The following PHACTR1 variants were observed in gnomAD, a reference collection of about 807,000 sequenced individuals.
PHACTR1 encodes the protein RPEL repeat containing 1.
Under a neutral mutation model 69.2 loss-of-function variants are expected in PHACTR1, and 16 were observed. The observed-to-expected ratio is 0.23, with a 90% CI of 0.16 to 0.35. The LOEUF (loss-of-function observed/expected upper bound fraction) is 0.35. Among genes scored for constraint, PHACTR1 ranks in the 10% least tolerant of loss-of-function variants. The probability of loss-of-function intolerance (pLI) is 1.00; values close to 1 mark genes in which losing one functional copy is unlikely to be tolerated. For synonymous variants in PHACTR1, 312 were observed against 284.5 expected, an observed-to-expected ratio of 1.10 and a Z score of -0.97; for missense variants, 510 against 734.7, an observed-to-expected ratio of 0.69 and a Z score of 3.54.
chr6:13,200,951 A>G (rs1338497826), intron 7 of PHACTR1, among the ~76,000 whole-genome samples: 4 of 151,872 alleles, frequency 2.6e-5, no homozygotes, highest in Non-Finnish European at 4.4e-5. Flanking sequence ...CTCAAAAAAA[A>G]AAAAAAAGAA....
intron 5 of PHACTR1, among the ~76,000 whole-genome samples, chr6:13,106,290 C>T (rs548557875): frequency 6.6e-6 from 1 of 151,840 alleles, no homozygotes; most frequent in South Asian, 2.1e-4. Context: ...TTATTTTTAT[C>T]TTGCTTGATT....
At chr6:12,985,541 A>AATATAT (rs70989819) in intron 4 of PHACTR1, among the ~76,000 whole-genome samples, 29 of 132,764 alleles carry the variant, frequency 2.2e-4, no homozygotes, top group African/African-American at 7.5e-4. Flanking sequence ...AAAAAAAAAA[A>AATATAT]ATATATATAT....
At chr6:12,772,896 G>A (rs532291801) in intron 4 of PHACTR1, among the ~76,000 whole-genome samples, 1 of 152,302 alleles carries the variant, frequency 6.6e-6, no homozygotes, top group East Asian at 1.9e-4. Context: ...ACAAGTGTTA[G>A]AAGTGATTAC....
intron 4 of PHACTR1, among the ~76,000 whole-genome samples, chr6:13,031,466 C>T (rs1431617187): frequency 2.6e-5 from 4 of 152,142 alleles, no homozygotes; most frequent in Admixed American, 2.0e-4. Context: ...GTAAGTCTAC[C>T]ACTAGTTTAA....
chr6:13,034,227 C>T (rs1802934575), intron 4 of PHACTR1, among the ~76,000 whole-genome samples: 1 of 151,926 alleles, frequency 6.6e-6, no homozygotes, highest in East Asian at 1.9e-4. Context: ...CCGTGTTAGC[C>T]AGGATGATCT....
chr6:13,025,697 G>GTGTGTC (rs1801592966), intron 4 of PHACTR1, among the ~76,000 whole-genome samples: 1 of 151,876 alleles, frequency 6.6e-6, no homozygotes, highest in Non-Finnish European at 1.5e-5. Context: ...GTGTGTGTGT[G>GTGTGTC]TGTGTGTGTG....
In PHACTR1 at chr6:12,844,540, C is replaced by CAGG. The variant is rs560042098; in HGVS notation, c.250+94752_250+94754dup. ...TGTACTGGGCAAAGTTCTATGCGTACAGGACACTGAGGTAAAGCACACAAA... is the reference window on the plus strand; with the variant it reads ...TGTACTGGGCAAAGTTCTATGCGTACAGGAGGACACTGAGGTAAAGCACACAAA... On this transcript the variant is annotated intron_variant, in intron 4 of 14. Transcript: ENST00000332995. Among the ~76,000 whole-genome samples the CAGG allele has an allele frequency of 6.4e-3, 981 of 152,252 alleles. 5 individuals carry two copies. Among genetic ancestry groups the CAGG allele is most frequent in the Non-Finnish European group, 0.011 (734 of 68,018 alleles).
intron 6 of PHACTR1, among the ~76,000 whole-genome samples, chr6:13,163,946 C>T (rs1360777001): frequency 6.6e-6 from 1 of 152,002 alleles, no homozygotes; most frequent in Non-Finnish European, 1.5e-5. Flanking sequence ...TCATCATTGT[C>T]CTTTATATTT....
intron 12 of PHACTR1, among the ~76,000 whole-genome samples, chr6:13,278,828 T>C (rs932564113): frequency 6.6e-6 from 1 of 151,974 alleles, no homozygotes; most frequent in African/African-American, 2.4e-5. Flanking sequence ...CTGTGCATGG[T>C]GATGTGCACC....
chr6:12,740,000 G>A (rs1027055371), intron 3 of PHACTR1, among the ~76,000 whole-genome samples: 1 of 152,090 alleles, frequency 6.6e-6, no homozygotes, highest in Non-Finnish European at 1.5e-5. Context: ...CTTGTGCTCC[G>A]TCCAAGACAT....
intron 4 of PHACTR1, among the ~76,000 whole-genome samples, chr6:12,768,809 TACACACAC>T (rs4053038): frequency 0.017 from 2,079 of 123,294 alleles, 23 homozygotes; most frequent in South Asian, 0.029. Flanking sequence ...ATGTGCTATC[TACACACAC>T]ACACACACAC....
intron 7 of PHACTR1, among the ~76,000 whole-genome samples, chr6:13,190,946 C>A (rs1320086053): frequency 6.6e-6 from 1 of 152,164 alleles, no homozygotes; most frequent in Non-Finnish European, 1.5e-5. Flanking sequence ...CAAGAATCCT[C>A]TCTCCATGCT....
intron 11 of PHACTR1, among the ~76,000 whole-genome samples, chr6:13,276,952 TG>T (rs1456808882): frequency 6.6e-6 from 1 of 152,220 alleles, no homozygotes; most frequent in Non-Finnish European, 1.5e-5. Flanking sequence ...CAGGCAGTCG[TG>T]ATGCACCCTA....
intron 4 of PHACTR1, among the ~76,000 whole-genome samples, chr6:12,983,275 A>G (rs1795738345): frequency 6.6e-6 from 1 of 152,246 alleles, no homozygotes; most frequent in Admixed American, 6.5e-5. Context: ...TACAGGGAAG[A>G]GTGAAGTAAA....
chr6:12,804,866 A>G (rs1361702668), intron 4 of PHACTR1, among the ~76,000 whole-genome samples: 1 of 152,220 alleles, frequency 6.6e-6, no homozygotes, highest in Non-Finnish European at 1.5e-5. Context: ...GCATACTAGT[A>G]ACTTACGTAT....
At chr6:12,881,839 A>T (rs1582262599) in intron 4 of PHACTR1, among the ~76,000 whole-genome samples, 1 of 152,198 alleles carries the variant, frequency 6.6e-6, no homozygotes, top group East Asian at 1.9e-4. Flanking sequence ...GCCAGCAGAG[A>T]GTGAGAAAGA....
chr6:13,240,835 C>T (rs1025013029), intron 10 of PHACTR1, among the ~76,000 whole-genome samples: 3 of 152,200 alleles, frequency 2.0e-5, no homozygotes, highest in Admixed American at 2.0e-4. Context: ...CCATTTATAA[C>T]TTTAAAGCCT....
chr6:13,231,159 A>AAGAAAGAAGGAAAG (rs1771001917), intron 10 of PHACTR1, among the ~76,000 whole-genome samples: 1 of 141,392 alleles, frequency 7.1e-6, no homozygotes, highest in African/African-American at 2.8e-5. Flanking sequence ...AGGAAAGAGA[A>AAGAAAGAAGGAAAG]AGAGCGAAAG....
At chr6:13,219,344 G>A (rs1014891233) in intron 8 of PHACTR1, among the ~76,000 whole-genome samples, 26 of 152,172 alleles carry the variant, frequency 1.7e-4, no homozygotes, top group Admixed American at 1.4e-3. Flanking sequence ...CTCGTTAGTG[G>A]GAGCGACAGG....
Sources: gnomAD v4.1 joint callset for allele counts (sites outside exome capture counted in the v4.1 genomes callset) on GRCh38, gnomAD v4.1.1 for gene constraint, MANE v1.5 for transcripts, NCBI Gene and HGNC (gene_info 2026-07-23, HGNC 2026-07-21) for gene names.